ZSCAN1: variants seen among roughly 807,000 people sequenced by gnomAD.
The protein encoded by ZSCAN1 is zinc finger and SCAN domain containing 1, also known as zinc finger and SCAN domain-containing protein 1.
ZSCAN1 carries 23 observed loss-of-function variants against 23.8 expected under a neutral mutation model. The ratio of observed to expected loss-of-function variants is 0.97; its 90% CI spans 0.70 to 1.37. The LOEUF is 1.37. Among genes scored for constraint, ZSCAN1 ranks in the 40% most tolerant of loss-of-function variants. The pLI is 0.00. For missense variants in ZSCAN1, 575 were observed against 554.0 expected (o/e 1.04, Z -0.38); for synonymous variants, 236 against 232.3 (o/e 1.02, Z -0.15).
chr19:58,036,814 G>A (rs903051002), intron 2 of ZSCAN1, among the ~76,000 whole-genome samples: 10 of 152,040 alleles, frequency 6.6e-5, no homozygotes, highest in South Asian at 2.1e-4. Flanking sequence ...AGCCTCCCAC[G>A]TAGCTGGGAT....
At chr19:58,043,446 C>T (rs2073803736) in intron 4 of ZSCAN1, among the ~76,000 whole-genome samples, 1 of 152,146 alleles carries the variant, frequency 6.6e-6, no homozygotes, top group African/African-American at 2.4e-5. Flanking sequence ...AGATAAAAAA[C>T]AGTACACTTG....
chr19:58,041,398 C>G (rs2073788574), intron 4 of ZSCAN1, among the ~76,000 whole-genome samples: 2 of 152,210 alleles, frequency 1.3e-5, no homozygotes, highest in Non-Finnish European at 2.9e-5. Flanking sequence ...CAAAGGGGCA[C>G]ACATTGGGAA....
chr19:58,044,469 G>T, intron 4 of ZSCAN1: 1 of 396,584 alleles, frequency 2.5e-6, no homozygotes. Context: ...AACCGCTGCC[G>T]TCAACCGTCC....
In ZSCAN1 at chr19:58,037,890, C is replaced by G. The variant is rs372170384; in HGVS notation, c.54C>G (p.Thr18=). ...PASPRRPQTP[T]PSEQDADPGP... is the part of the protein sequence containing the mutation. The stretch of plus-strand genomic sequence containing the variant: ...CCCCCAGACGCCCCCAGACCCCAAC[C>G]CCGAGTGAGCAGGACGCAGACCCTG... The change falls in exon 3 of 6, where the codon ACC becomes ACG. Residue 18 remains threonine (T), a synonymous_variant. Transcript: ENST00000282326. The G allele has an allele frequency of 6.3e-7, 1 of 1,579,172 alleles. No homozygotes were observed. Among genetic ancestry groups the G allele is most frequent in the African/African-American group, 1.3e-5 (1 of 74,384 alleles).
chr19:58,048,698 TCTAC>T (rs2073841196), intron 4 of ZSCAN1, among the ~76,000 whole-genome samples: 1 of 152,212 alleles, frequency 6.6e-6, no homozygotes, highest in Admixed American at 6.5e-5. Context: ...CCTCAAGTGA[TCTAC>T]CTGCCTTGGC....
At position 58,053,206 on chromosome 19, in the gene ZSCAN1, C is replaced by T. The variant is rs2073869900; in HGVS notation, c.605-223C>T. On this transcript the variant is annotated intron_variant, in intron 5 of 5. Coordinates refer to ENST00000282326, the MANE Select transcript of ZSCAN1 (RefSeq NM_182572.4). This position sits in a 1 kb window ranked among gnomAD's most constrained non-coding sequence, Gnocchi z 5.8. ...ACTCCTCACCTCATGATCCACCTTC[C>T]TCGGCCTCCCAAAGTGCTGGGATTA... Among the ~76,000 whole-genome samples, 1 of 152,138 alleles carries T rather than the reference C, an allele frequency of 6.6e-6. No individual in the cohort carries two copies. The highest frequency in any genetic ancestry group is 1.5e-5 in the Non-Finnish European group (1 of 68,014).
intron 4 of ZSCAN1, chr19:58,046,081 C>A (rs2073823318): frequency 1.5e-6 from 1 of 681,674 alleles, no homozygotes. Flanking sequence ...TCCCCAAAGG[C>A]CAGGGGCCCA....
intron 4 of ZSCAN1, chr19:58,044,532 C>CGGAGAA (rs1339825016): frequency 8.5e-6 from 4 of 470,882 alleles, no homozygotes; most frequent in African/African-American, 6.3e-5. Context: ...GCGGCCGCCG[C>CGGAGAA]GGAGAAGGAG....
chr19:58,046,135 A>G lies in ZSCAN1; in HGVS notation c.465+5591A>G, dbSNP rs1042260975. On this transcript the variant is annotated intron_variant, in intron 4 of 5. Transcript: ENST00000282326. ...TGACACTGTCCTGCAGTCAGAGACC[A>G]TGAAGGACACTGCCCCCGTGCTAGA... The G allele has an allele frequency of 2.7e-5, 19 of 711,474 alleles. 1 individual carries two copies. In the Admixed American group the frequency reaches 3.9e-4, roughly 15 times the overall value. The allele number at this position is 711,474 out of a possible 1,614,324, so 44.1% of individuals were successfully genotyped here.
chr19:58,046,344 T>C, intron 4 of ZSCAN1: 1 of 924,080 alleles, frequency 1.1e-6, no homozygotes, highest in South Asian at 1.3e-5. Flanking sequence ...CAAAGACTGG[T>C]GAAGAAAAAT....
At chr19:58,044,703 C>T in intron 4 of ZSCAN1, 2 of 766,846 alleles carry the variant, frequency 2.6e-6, no homozygotes, top group Non-Finnish European at 2.3e-6. Flanking sequence ...CTCAGCTTGC[C>T]AGCACCCTGG....
chr19:58,053,951 C>T lies in ZSCAN1; in HGVS notation c.1127C>T (p.Pro376Leu). The change falls in exon 6 of 6, where the codon CCC becomes CTC. Residue 376 changes from proline to leucine, a missense_variant. Pro to Leu is a moderately conservative substitution (Grantham distance 98). Coordinates refer to ENST00000282326, the MANE Select transcript of ZSCAN1 (RefSeq NM_182572.4). This position sits in a 1 kb window ranked among gnomAD's most constrained non-coding sequence, Gnocchi z 5.8. ...GAQGPVAPRS[P>L]KRPFQCSVCG... ...CAGGGCCCAGTGGCCCCTCGCAGCC[C>T]CAAAAGACCCTTCCAGTGTAGCGTC... 1.2e-6 allele frequency: 2 copies of T among 1,611,440 alleles called. No homozygotes were observed. The highest frequency in any genetic ancestry group is 1.7e-6 in the Non-Finnish European group (2 of 1,178,578).
intron 3 of ZSCAN1, among the ~76,000 whole-genome samples, chr19:58,039,848 C>T (rs1338895661): frequency 1.3e-5 from 2 of 151,796 alleles, no homozygotes; most frequent in Non-Finnish European, 2.9e-5. Context: ...TCCTGTTGTC[C>T]CCCGCTCTGC....
rs1179692256 is a variant in ZSCAN1 at position 58,052,603 on chromosome 19, A to G, written c.579A>G (p.Glu193=). The G allele has an allele frequency of 6.2e-7, 1 of 1,610,468 alleles. No individual in the cohort carries two copies. The highest frequency in any genetic ancestry group is 8.5e-7 in the Non-Finnish European group (1 of 1,178,018). The part of the protein sequence containing the change: ...QQSLHTRAEA[E]APRAPGLLGS... ...GTCTGCACACCAGGGCGGAGGCCGA[A>G]GCGCCCCGCGCCCCTGGCTTGCTGG... is the stretch of plus-strand genomic sequence containing the variant. Residue 193 remains glutamate (E), a synonymous_variant, in exon 5 of 6, where the codon GAA becomes GAG. Coordinates refer to ENST00000282326, the MANE Select transcript of ZSCAN1 (RefSeq NM_182572.4).
In ZSCAN1 at chr19:58,052,538, G is replaced by A. The variant is rs577583865; in HGVS notation, c.514G>A (p.Glu172Lys). 1.6e-4 allele frequency: 258 copies of A among 1,614,060 alleles called. 1 individual carries two copies. In the Admixed American group the frequency reaches 3.6e-3, roughly 22 times the overall value. ...AGTGGCAGCAGCCCCAGCACTCCCC[G>A]AGGAAAGTGAGTGGCTGGAGACTAC... Reference protein sequence around the residue: ...DAVAAAPALPEESEWLETTQL... With the variant: ...DAVAAAPALPKESEWLETTQL... Residue 172 changes from glutamate to lysine, a missense_variant, in exon 5 of 6, where the codon GAG becomes AAG. Physicochemically the swap from Glu to Lys is moderately conservative, Grantham distance 56. Coordinates refer to ENST00000282326, the MANE Select transcript of ZSCAN1 (RefSeq NM_182572.4).
rs1481169494 is a variant in ZSCAN1 at position 58,045,729 on chromosome 19, C to T, written c.465+5185C>T. 7 of 1,142,104 alleles carry T rather than the reference C, an allele frequency of 6.1e-6. No homozygotes were observed. The highest frequency in any genetic ancestry group is 4.9e-5 in the South Asian group (4 of 80,932). The allele number at this position is 1,142,104 out of a possible 1,614,324, so 70.7% of individuals were successfully genotyped here. On this transcript the variant is annotated intron_variant, in intron 4 of 5. Transcript: ENST00000282326. The surrounding 1 kb of genome is among the most constrained non-coding windows in gnomAD (Gnocchi z 4.3). ...GGGCACGAGGCATGCGGGCCCTGGG[C>T]GTCAGGGAAAACCACCTGAGGGGCC...
downstream of ZSCAN1, among the ~76,000 whole-genome samples, chr19:58,055,357 G>A (rs1375760991): frequency 2.0e-5 from 3 of 152,076 alleles, no homozygotes; most frequent in Admixed American, 1.3e-4. Context: ...GCCTTCTCAC[G>A]CTTGCCTTCT....
intron 1 of ZSCAN1, among the ~76,000 whole-genome samples, chr19:58,035,056 G>T (rs1279473086): frequency 6.6e-6 from 1 of 151,952 alleles, no homozygotes; most frequent in Admixed American, 6.5e-5. Context: ...CATGCCAGGT[G>T]AACCTGGCCC....
chr19:58,050,196 A>T (rs952868943), intron 4 of ZSCAN1, among the ~76,000 whole-genome samples: 1 of 151,614 alleles, frequency 6.6e-6, no homozygotes, highest in Non-Finnish European at 1.5e-5. Context: ...GCACTTTGGG[A>T]GGCCGAGGTG....
Sources: gnomAD v4.1 joint callset for allele counts (sites outside exome capture counted in the v4.1 genomes callset) on GRCh38, gnomAD v4.1.1 for gene constraint, Gnocchi (gnomAD v3.1) non-coding constraint, MANE v1.5 for transcripts, NCBI Gene and HGNC (gene_info 2026-07-23, HGNC 2026-07-21) for gene names.